NR2F6: variants seen among roughly 807,000 people sequenced by gnomAD.
NR2F6 encodes the protein ERBA-related gene-2.
NR2F6 carries 16 observed loss-of-function variants against 26.5 expected under a neutral mutation model. That is an observed-to-expected ratio of 0.60 (90% confidence interval 0.41 to 0.92). The LOEUF is 0.92. Ranked by LOEUF, NR2F6 falls within the 40% of genes least tolerant of loss-of-function variation. NR2F6 has a pLI of 0.00. For missense variants in NR2F6, 536 were observed against 631.7 expected (o/e 0.85, Z 1.62); for synonymous variants, 325 against 305.0 (o/e 1.07, Z -0.68).
At position 17,235,991 on chromosome 19, in the gene NR2F6, C is replaced by A; in HGVS notation, c.448G>T (p.Ala150Ser). The part of the protein sequence containing the change: ...AASSGSPPGS[A>S]LAAVASGGDL... The stretch of plus-strand genomic sequence containing the variant: ...CCGCCGCTCGCCACTGCCGCCAGCG[C>A]CGAGCCCGGGGGGCTGCCCGAGGAG... Residue 150 changes from alanine (A) to serine (S), a missense_variant, in exon 3 of 4, where the codon GCG (alanine) becomes TCG (serine). Ala to Ser is a moderately conservative substitution (Grantham distance 99, BLOSUM62 1). Coordinates refer to ENST00000291442, the MANE Select transcript of NR2F6 (RefSeq NM_005234.4). The surrounding 1 kb of genome is among the most constrained non-coding windows in gnomAD (Gnocchi z 5.0). 1 of 1,447,260 alleles carries A rather than the reference C, an allele frequency of 6.9e-7. No homozygotes were observed. The highest frequency in any genetic ancestry group is 9.1e-7 in the Non-Finnish European group (1 of 1,104,680). The allele number at this position is 1,447,260 out of a possible 1,614,324, so 89.7% of individuals were successfully genotyped here.
rs1192955585 is a variant in NR2F6 at position 17,235,489 on chromosome 19, C to T, written c.940+10G>A. The T allele has an allele frequency of 2.5e-6, 4 of 1,575,772 alleles. No individual in the cohort carries two copies. Among genetic ancestry groups the T allele is most frequent in the Admixed American group, 1.8e-5 (1 of 56,632 alleles). On this transcript the variant is annotated intron_variant, in intron 3 of 3. Transcript: ENST00000291442. The surrounding 1 kb of genome is among the most constrained non-coding windows in gnomAD (Gnocchi z 5.0). ...CCCCATCCCGCGGCCCTCTTCGGAG[C>T]GTGGCTCACCGGGCGTGAAGAGCGC...
chr19:17,237,410 C>CCT (rs751795126), intron 2 of NR2F6, among the ~76,000 whole-genome samples: 31 of 148,076 alleles, frequency 2.1e-4, no homozygotes, highest in Non-Finnish European at 3.8e-4. Context: ...TCTCTCTCTC[C>CCT]CTCTCTCTCT....
intron 1 of NR2F6, among the ~76,000 whole-genome samples, chr19:17,243,078 A>G (rs1390266831): frequency 6.6e-6 from 1 of 152,154 alleles, no homozygotes; most frequent in Non-Finnish European, 1.5e-5. Context: ...CAGCTCCCCC[A>G]GTCTGCCACT....
chr19:17,237,498 G>T (rs78971941), intron 2 of NR2F6, among the ~76,000 whole-genome samples: 1 of 151,712 alleles, frequency 6.6e-6, no homozygotes, highest in Non-Finnish European at 1.5e-5. Context: ...TGCAGCCTCC[G>T]ACTCCGGGGT....
At chr19:17,243,256 G>A (rs779958469) in intron 1 of NR2F6, among the ~76,000 whole-genome samples, 1 of 152,180 alleles carries the variant, frequency 6.6e-6, no homozygotes, top group South Asian at 2.1e-4. Flanking sequence ...CAGACTTGGG[G>A]CATCTGTCTC....
intron 1 of NR2F6, among the ~76,000 whole-genome samples, chr19:17,243,659 A>G (rs2073480673): frequency 6.6e-6 from 1 of 152,120 alleles, no homozygotes; most frequent in Admixed American, 6.5e-5. Flanking sequence ...TCTGCCACAC[A>G]TGGCCACACC....
rs535603294 is a variant in NR2F6, at chr19:17,240,080, G to A, written c.373+591C>T. Among the ~76,000 whole-genome samples the A allele has an allele frequency of 3.9e-5, 6 of 152,312 alleles. No homozygotes were observed. In the East Asian group the frequency reaches 5.8e-4, roughly 15 times the overall value. ...AGGCCCAGCAGCCCAGAATACGCCC[G>A]TCCACCTGGGTCCCCTGAGCAGAGA... On this transcript the variant is annotated intron_variant, in intron 2 of 3. Transcript: ENST00000291442.
chr19:17,235,913 C>T lies in NR2F6; in HGVS notation c.526G>A (p.Ala176Thr), dbSNP rs1184609840. Residue 176 changes from alanine to threonine, a missense_variant, in exon 3 of 4, where the codon GCT becomes ACT. By Grantham distance (58) the Ala-to-Thr change is moderately conservative. Transcript: ENST00000291442. The surrounding 1 kb of genome is among the most constrained non-coding windows in gnomAD (Gnocchi z 5.0). ...CCGGCCGCCGCAGGGTAGGGCTCAGCGCGCAGCAGCTGCGCGATCAGTTCG... is the reference window on the plus strand; with the variant it reads ...CCGGCCGCCGCAGGGTAGGGCTCAGTGCGCAGCAGCTGCGCGATCAGTTCG... The part of the protein sequence containing the change: ...VSELIAQLLR[A>T]EPYPAAAGRF... The T allele has an allele frequency of 2.7e-6, 4 of 1,477,866 alleles. No individual in the cohort carries two copies. The highest frequency in any genetic ancestry group is 3.6e-6 in the Non-Finnish European group (4 of 1,121,402). 91.5% of individuals were successfully genotyped at this position (1,477,866 alleles called of 1,614,324 possible).
At position 17,245,425 on chromosome 19, in the gene NR2F6, T is replaced by G; in HGVS notation, c.-205A>C. ...TGGTCGGGCCGGTTCCAGGCCAACT[T>G]TCCCACGCGTGCGCGGGGCCGGGCC... is the stretch of plus-strand genomic sequence containing the variant. On this transcript the variant is annotated 5_prime_UTR_variant, in exon 1 of 4. Transcript: ENST00000291442. The surrounding 1 kb of genome is among the most constrained non-coding windows in gnomAD (Gnocchi z 5.0). 6.5e-6 allele frequency: 2 copies of G among 309,138 alleles called. No individual in the cohort carries two copies. The highest frequency in any genetic ancestry group is 1.1e-5 in the Non-Finnish European group (2 of 182,408). The allele number at this position is 309,138 out of a possible 1,614,324, so 19.1% of individuals were successfully genotyped here. A position where few individuals can be genotyped will look rare whatever the true frequency, so the allele number is the denominator to read the frequency against.
rs373251155 is a variant in NR2F6 at position 17,235,614 on chromosome 19, G to C, written c.825C>G (p.Ala275=). The C allele has an allele frequency of 6.7e-4, 1,047 of 1,556,520 alleles. 1 individual carries two copies. The highest frequency in any genetic ancestry group is 7.9e-4 in the Non-Finnish European group (918 of 1,160,002). Residue 275 remains alanine, a synonymous_variant, in exon 3 of 4, where the codon GCC becomes GCG. Coordinates refer to ENST00000291442, the MANE Select transcript of NR2F6 (RefSeq NM_005234.4). This position sits in a 1 kb window ranked among gnomAD's most constrained non-coding sequence, Gnocchi z 5.0. ...CGCGCACCTGGTCCATGAAAGCCAC[G>C]GCGCGCTCGGCGGCCATAGGCGCGG... ...LHAAPMAAER[A]VAFMDQVRAF...
intron 2 of NR2F6, among the ~76,000 whole-genome samples, chr19:17,238,494 A>C (rs2073451332): frequency 6.6e-6 from 1 of 152,162 alleles, no homozygotes; most frequent in African/African-American, 2.4e-5. Flanking sequence ...GCCCGTGCAA[A>C]GGACCCGAGG....
intron 2 of NR2F6, among the ~76,000 whole-genome samples, chr19:17,238,194 C>T (rs943398007): frequency 3.9e-5 from 6 of 152,142 alleles, no homozygotes; most frequent in African/African-American, 1.4e-4. Flanking sequence ...ATGCCTGCCA[C>T]ACAGGAAAGG....
intron 2 of NR2F6, among the ~76,000 whole-genome samples, chr19:17,237,552 G>A (rs950065833): frequency 6.6e-6 from 1 of 151,894 alleles, no homozygotes; most frequent in East Asian, 1.9e-4. Flanking sequence ...GCTGGGATTA[G>A]AGGCACCTGC....
chr19:17,240,737 G>T lies in NR2F6; in HGVS notation c.307C>A (p.His103Asn). The T allele has an allele frequency of 6.2e-7, 1 of 1,614,172 alleles. No individual in the cohort carries two copies. Reference sequence around the variant, plus strand: ...CAGTACTGGCACTGGTTCCGGTGGTGCTGGTCGATCTGGCAGTCACGGTTG... The same window carrying T: ...CAGTACTGGCACTGGTTCCGGTGGTTCTGGTCGATCTGGCAGTCACGGTTG... ...RSNRDCQIDQ[H>N]HRNQCQYCRL... The change falls in exon 2 of 4, where the codon CAC (histidine) becomes AAC (asparagine). Residue 103 changes from histidine (H) to asparagine (N), a missense_variant. His to Asn is a moderately conservative substitution (Grantham distance 68, BLOSUM62 1). Coordinates refer to ENST00000291442, the MANE Select transcript of NR2F6 (RefSeq NM_005234.4).
intron 3 of NR2F6, among the ~76,000 whole-genome samples, chr19:17,233,190 G>A (rs924585419): frequency 5.9e-5 from 9 of 152,072 alleles, no homozygotes; most frequent in East Asian, 3.9e-4. Context: ...GATGGCACAC[G>A]CTTGTAGTCC....
chr19:17,232,532 G>C lies in NR2F6; in HGVS notation c.1035C>G (p.Ser345=). ...LTEYVRAQYP[S]QPQRFGRLLL... Reference sequence around the variant, plus strand: ...GCAGGCGCCCGAAGCGCTGGGGCTGGGACGGGTACTGCGCCCGCACATACT... The same window carrying C: ...GCAGGCGCCCGAAGCGCTGGGGCTGCGACGGGTACTGCGCCCGCACATACT... The change falls in exon 4 of 4, where the codon TCC becomes TCG. Residue 345 remains serine (S), a synonymous_variant. Transcript: ENST00000291442. 6.2e-7 allele frequency: 1 copy of C among 1,609,632 alleles called. No homozygotes were observed.
At chr19:17,240,444 A>G (rs1351931897) in intron 2 of NR2F6, among the ~76,000 whole-genome samples, 3 of 152,198 alleles carry the variant, frequency 2.0e-5, no homozygotes, top group African/African-American at 7.2e-5. Context: ...CCAGGGGGCC[A>G]CGGATCCTAA....
chr19:17,240,575 G>A, intron 2 of NR2F6, 96 bp downstream of exon 2: 4 of 1,173,942 alleles, frequency 3.4e-6, no homozygotes, highest in Non-Finnish European at 4.9e-6. Flanking sequence ...AAAGGGAGGG[G>A]TGAAAGGGAG....
At chr19:17,241,796 A>G (rs1433187612) in intron 1 of NR2F6, among the ~76,000 whole-genome samples, 1 of 152,092 alleles carries the variant, frequency 6.6e-6, no homozygotes, top group South Asian at 2.1e-4. Flanking sequence ...GGGAGGGTGG[A>G]TCACCTGAGG....
Sources: gnomAD v4.1 joint callset for allele counts (sites outside exome capture counted in the v4.1 genomes callset) on GRCh38, gnomAD v4.1.1 for gene constraint, Gnocchi (gnomAD v3.1) non-coding constraint, MANE v1.5 for transcripts, NCBI Gene and HGNC (gene_info 2026-07-23, HGNC 2026-07-21) for gene names.